Variants in B4GALT1 observed in about 807,000 individuals in gnomAD.
B4GALT1 encodes N-acetyllactosamine synthase.
A neutral mutation model predicts 34.9 loss-of-function variants in B4GALT1; 16 were observed. The ratio of observed to expected loss-of-function variants is 0.46; its 90% CI spans 0.31 to 0.70. The LOEUF (loss-of-function observed/expected upper bound fraction) is 0.70. Among genes scored for constraint, B4GALT1 ranks in the 30% least tolerant of loss-of-function variants. The probability of loss-of-function intolerance (pLI) is 0.05; values close to 1 mark genes in which losing one functional copy is unlikely to be tolerated. For synonymous variants in B4GALT1, 221 were observed against 218.1 expected (o/e 1.01, Z -0.12); for missense variants, 445 against 530.5 (o/e 0.84, Z 1.58).
chr9:33,148,804 T>TAAAAA (rs72391353), intron 1 of B4GALT1, among the ~76,000 whole-genome samples: 79 of 127,674 alleles, frequency 6.2e-4, no homozygotes, highest in Middle Eastern at 4.1e-3. Context: ...TGCCTAAAAG[T>TAAAAA]AAAAAAAAAA....
chr9:33,140,787 C>T (rs1459181381), intron 1 of B4GALT1, among the ~76,000 whole-genome samples: 3 of 152,246 alleles, frequency 2.0e-5, no homozygotes, highest in African/African-American at 4.8e-5. Context: ...AGGCCAGGTG[C>T]GCACCGCAAG....
At position 33,156,909 on chromosome 9, in the gene B4GALT1, T is replaced by C. The variant is rs1840601530; in HGVS notation, c.412+9849A>G. 3.3e-5 allele frequency among the ~76,000 whole-genome samples: 5 copies of C among 152,308 alleles called. No homozygotes were observed. In the South Asian group the frequency reaches 1.0e-3, roughly 32 times the overall value. On this transcript the variant is annotated intron_variant, in intron 1 of 5. Transcript: ENST00000379731. ...AGAAGGAAAGAATGTTCTTACTTTC[T>C]GTAAACCAACTTGGCAAAGGTAGGT...
chr9:33,148,045 A>G (rs937333459), intron 1 of B4GALT1, among the ~76,000 whole-genome samples: 2 of 152,042 alleles, frequency 1.3e-5, no homozygotes, highest in Non-Finnish European at 2.9e-5. Context: ...TAAAAAAAAA[A>G]TTGTAAATAA....
chr9:33,167,221 C>T lies in B4GALT1; in HGVS notation c.-52G>A. On this transcript the variant is annotated 5_prime_UTR_variant, in exon 1 of 6. Transcript: ENST00000379731. ...GTGGGCTACAGGAGGGGAGGCGACC[C>T]GCCCGCGGGCCGCCCGCCAGGCGCT... 2 of 1,475,024 alleles carry T rather than the reference C, an allele frequency of 1.4e-6. No homozygotes were observed. The highest frequency in any genetic ancestry group is 2.5e-5 in the East Asian group (1 of 39,432). The allele number at this position is 1,475,024 out of a possible 1,614,324, so 91.4% of individuals were successfully genotyped here. A position where few individuals can be genotyped will look rare whatever the true frequency, so the allele number is the denominator to read the frequency against.
At chr9:33,152,959 G>A (rs1315028030) in intron 1 of B4GALT1, among the ~76,000 whole-genome samples, 12 of 152,154 alleles carry the variant, frequency 7.9e-5, no homozygotes, top group Admixed American at 7.9e-4. Context: ...AGCTACTCAG[G>A]AGGCTGAGGC....
At chr9:33,152,055 C>T (rs760328449) in intron 1 of B4GALT1, among the ~76,000 whole-genome samples, 3 of 152,132 alleles carry the variant, frequency 2.0e-5, no homozygotes, top group African/African-American at 2.4e-5. Context: ...CAGTGGCTCA[C>T]GCCTGTAACC....
chr9:33,109,730 G>A (rs1234244871), downstream of B4GALT1, among the ~76,000 whole-genome samples: 1 of 152,234 alleles, frequency 6.6e-6, no homozygotes, highest in Non-Finnish European at 1.5e-5. Flanking sequence ...CCCTCAACCT[G>A]TGGGATCCGT....
At chr9:33,139,816 G>T (rs1840322498) in intron 1 of B4GALT1, among the ~76,000 whole-genome samples, 1 of 152,268 alleles carries the variant, frequency 6.6e-6, no homozygotes, top group Non-Finnish European at 1.5e-5. Flanking sequence ...GCCGAGCCAA[G>T]GCGCCCTTGC....
At chr9:33,106,112 T>C (rs1839794855), downstream of B4GALT1, among the ~76,000 whole-genome samples, 2 of 152,182 alleles carry the variant, frequency 1.3e-5, no homozygotes, top group Admixed American at 1.3e-4. Flanking sequence ...CTTCTTTTCT[T>C]TTACCCTGAA....
downstream of B4GALT1, among the ~76,000 whole-genome samples, chr9:33,109,299 T>G (rs975259772): frequency 1.1e-4 from 17 of 152,238 alleles, no homozygotes; most frequent in African/African-American, 4.1e-4. Context: ...GTGGAGCCCC[T>G]GGAGAGGGCA....
upstream of B4GALT1, among the ~76,000 whole-genome samples, chr9:33,168,534 T>C (rs1253640730): frequency 6.6e-6 from 1 of 152,252 alleles, no homozygotes; most frequent in Non-Finnish European, 1.5e-5. Context: ...ACGGTGTCCA[T>C]TTCACAGATG....
rs1839850149 is a variant in B4GALT1, at chr9:33,111,106, G to C, written c.*2348C>G. 1 of 152,552 alleles carries C rather than the reference G, an allele frequency of 6.6e-6. No homozygotes were observed. Among genetic ancestry groups the C allele is most frequent in the Non-Finnish European group, 1.5e-5 (1 of 68,034 alleles). 9.4% of individuals were successfully genotyped at this position (152,552 alleles called of 1,614,324 possible). A position where few individuals can be genotyped will look rare whatever the true frequency, so the allele number is the denominator to read the frequency against. On this transcript the variant is annotated 3_prime_UTR_variant, in exon 6 of 6. Transcript: ENST00000379731. The stretch of plus-strand genomic sequence containing the variant: ...AGGACCCGCGGCATCTCACGGACCA[G>C]GCAAACATCCAGGCCTAACTGTGCC...
chr9:33,176,760 T>C, the B4GALT1 span, among the ~76,000 whole-genome samples: 1 of 152,102 alleles, frequency 6.6e-6, no homozygotes, highest in African/African-American at 2.4e-5. Context: ...TGCTGGGTGA[T>C]AGGATCATTA....
At chr9:33,153,913 G>A (rs550870202) in intron 1 of B4GALT1, among the ~76,000 whole-genome samples, 144 of 149,346 alleles carry the variant, frequency 9.6e-4, no homozygotes, top group Admixed American at 2.4e-3. Flanking sequence ...GAAAGAAAAC[G>A]AACAGACCTT....
At chr9:33,126,660 G>GTTAACCATTGTTAACATTGTTAACTAT in intron 2 of B4GALT1, among the ~76,000 whole-genome samples, 1 of 150,444 alleles carries the variant, frequency 6.6e-6, no homozygotes, top group Non-Finnish European at 1.5e-5. Flanking sequence ...GTTAACCATA[G>GTTAACCATTGTTAACATTGTTAACTAT]CAATATGGTA....
At position 33,135,325 on chromosome 9, in the gene B4GALT1, T is replaced by A; in HGVS notation, c.512A>T (p.Asp171Val). 1 of 1,614,196 alleles carries A rather than the reference T, an allele frequency of 6.2e-7. No homozygotes were observed. Among genetic ancestry groups the A allele is most frequent in the Non-Finnish European group, 8.5e-7 (1 of 1,180,032 alleles). ...GGCCACCTTGTGAGGAGAGACGCAG[T>A]CCCTGGGGGCATAGCGGCCGCCCAT... ...VKMGGRYAPR[D>V]CVSPHKVAII... Residue 171 changes from aspartate to valine, a missense_variant, in exon 2 of 6, where the codon GAC becomes GTC. Physicochemically the swap from Asp to Val is radical, Grantham distance 152 (BLOSUM62 -3). This residue lies in a region of B4GALT1 where 349 missense variants were observed against 395.5 expected (regional missense o/e 0.88). Coordinates refer to ENST00000379731, the MANE Select transcript of B4GALT1 (RefSeq NM_001497.4).
Position 33,112,781 on chromosome 9 carries a change from TCAGA to T in B4GALT1, c.*669_*672del, listed in dbSNP as rs1294381002. On this transcript the variant is annotated 3_prime_UTR_variant, in exon 6 of 6. Coordinates refer to ENST00000379731, the MANE Select transcript of B4GALT1 (RefSeq NM_001497.4). ...AACACAACAACTTTACATTCAGAAA[TCAGA>T]CAATCTGGAGATAGGCCACTGAATG... is the stretch of plus-strand genomic sequence containing the variant. 6.5e-6 allele frequency: 1 copy of T among 153,066 alleles called. No homozygotes were observed. The highest frequency in any genetic ancestry group is 1.5e-5 in the Non-Finnish European group (1 of 68,458). 9.5% of individuals were successfully genotyped at this position (153,066 alleles called of 1,614,324 possible).
intron 1 of B4GALT1, among the ~76,000 whole-genome samples, chr9:33,163,289 A>G (rs1366361183): frequency 6.6e-6 from 1 of 152,074 alleles, no homozygotes; most frequent in East Asian, 1.9e-4. Flanking sequence ...CCCCATAAAA[A>G]CCAGGGAAAC....
the B4GALT1 span, among the ~76,000 whole-genome samples, chr9:33,175,007 ATATATATATAT>A: frequency 1.4e-5 from 1 of 72,560 alleles, no homozygotes; most frequent in Non-Finnish European, 2.9e-5. Flanking sequence ...ATATATATAT[ATATATATATAT>A]ATAAAATTGG....
Sources: gnomAD v4.1 joint callset for allele counts (sites outside exome capture counted in the v4.1 genomes callset) on GRCh38, gnomAD v4.1.1 for gene constraint, gnomAD v4.1.1 regional missense constraint, MANE v1.5 for transcripts, NCBI Gene and HGNC (gene_info 2026-07-23, HGNC 2026-07-21) for gene names.